TTC6: variants seen among roughly 807,000 people sequenced by gnomAD.
The protein encoded by TTC6 is tetratricopeptide repeat protein 6.
Under a neutral mutation model 210.4 loss-of-function variants are expected in TTC6, and 172 were observed. The observed-to-expected ratio is 0.82, with a 90% CI of 0.72 to 0.93. The LOEUF is 0.93. Among genes scored for constraint, TTC6 ranks in the 40% least tolerant of loss-of-function variants. The pLI is 0.00. For missense variants in TTC6, 2,414 were observed against 2,318.1 expected (o/e 1.04, Z -0.85); for synonymous variants, 804 against 819.6 (o/e 0.98, Z 0.32).
At chr14:37,669,391 T>C (rs1223283145) in intron 1 of TTC6, among the ~76,000 whole-genome samples, 2 of 152,158 alleles carry the variant, frequency 1.3e-5, no homozygotes, top group Non-Finnish European at 2.9e-5. Flanking sequence ...GATCTCAAAA[T>C]CAATCTAAGG....
intron 27 of TTC6, among the ~76,000 whole-genome samples, chr14:37,825,432 A>G (rs1256831188): frequency 6.6e-6 from 1 of 152,098 alleles, no homozygotes; most frequent in Non-Finnish European, 1.5e-5. Context: ...GCTTGGTTAA[A>G]GTGAGTCAGC....
intron 1 of TTC6, among the ~76,000 whole-genome samples, chr14:37,656,848 G>A (rs542760883): frequency 2.0e-5 from 3 of 152,110 alleles, no homozygotes; most frequent in Non-Finnish European, 4.4e-5. Context: ...CAAGGAACTA[G>A]GGGTGGTTGA....
intron 14 of TTC6, among the ~76,000 whole-genome samples, chr14:37,782,908 C>A (rs1313706024): frequency 6.6e-6 from 1 of 152,044 alleles, no homozygotes; most frequent in Non-Finnish European, 1.5e-5. Flanking sequence ...GTCTTTGGTT[C>A]TGTTTATATG....
In TTC6 at chr14:37,826,252, C is replaced by T. The variant is rs769741190; in HGVS notation, c.5032C>T (p.Pro1678Ser). The T allele has an allele frequency of 1.1e-5, 17 of 1,612,204 alleles. No homozygotes were observed. The South Asian group carries it at 1.8e-4, about 17-fold the overall frequency. ...CTTTACCATTGCCATAGATACTGAT[C>T]CAAAGAACTACCTAGCCTATGAAGG... Residue 1678 changes from proline (P) to serine (S), a missense_variant, in exon 28 of 31, where the codon CCA becomes TCA. Coordinates refer to ENST00000553443, the Ensembl canonical transcript of TTC6.
intron 1 of TTC6, among the ~76,000 whole-genome samples, chr14:37,638,625 TG>T (rs2095685576): frequency 7.8e-5 from 1 of 12,884 alleles, no homozygotes; most frequent in Non-Finnish European, 1.5e-4. Context: ...GAGTTAAGGG[TG>T]GGGGCGGGGG....
rs575346081 is a variant in TTC6 at position 37,689,243 on chromosome 14, A to T, written c.1257+6279A>T. 1.7e-4 allele frequency among the ~76,000 whole-genome samples: 26 copies of T among 152,242 alleles called. 1 individual carries two copies. The South Asian group carries it at 5.2e-3, about 30-fold the overall frequency. ...CAGAAGGAATAATGAATTAGCTTAA[A>T]GACAGGCTATTTGAAAATACACAGA... On this transcript the variant is annotated intron_variant, in intron 3 of 30. Transcript: ENST00000553443.
chr14:37,748,901 T>G (rs996643337), intron 10 of TTC6, 38 bp from the exon 13 acceptor site: 116 of 1,398,778 alleles, frequency 8.3e-5, no homozygotes, highest in Non-Finnish European at 9.9e-5. Context: ...GATGATTGTA[T>G]TTCTGTAATT....
chr14:37,758,173 A>G (rs545201442), intron 14 of TTC6, among the ~76,000 whole-genome samples: 2 of 152,012 alleles, frequency 1.3e-5, no homozygotes, highest in Non-Finnish European at 2.9e-5. Context: ...TGGTGTGGAG[A>G]GTTCTGTAGG....
At chr14:37,825,778 A>G (rs1446185743) in intron 27 of TTC6, among the ~76,000 whole-genome samples, 1 of 152,050 alleles carries the variant, frequency 6.6e-6, no homozygotes, top group Non-Finnish European at 1.5e-5. Flanking sequence ...TATTTATGTT[A>G]TTATGTATAT....
intron 20 of TTC6, 135 bp downstream of exon 22, chr14:37,797,082 T>C (rs1488171692): frequency 2.3e-6 from 2 of 860,170 alleles, no homozygotes; most frequent in East Asian, 6.6e-5. Flanking sequence ...TTTGGGTTAT[T>C]TTCTCTCTTT....
At chr14:37,788,817 T>C (rs948999927) in intron 15 of TTC6, among the ~76,000 whole-genome samples, 6 of 152,172 alleles carry the variant, frequency 3.9e-5, no homozygotes, top group Non-Finnish European at 8.8e-5. Flanking sequence ...CACAGATAAC[T>C]TAAATTTGAA....
intron 29 of TTC6, among the ~76,000 whole-genome samples, chr14:37,838,110 G>T (rs2096202102): frequency 1.3e-5 from 2 of 152,192 alleles, no homozygotes; most frequent in Non-Finnish European, 2.9e-5. Context: ...AAGCTGTACT[G>T]TGAAAAGTGA....
intron 10 of TTC6, among the ~76,000 whole-genome samples, chr14:37,739,539 A>C (rs936316852): frequency 5.3e-5 from 8 of 150,300 alleles, no homozygotes; most frequent in Non-Finnish European, 1.2e-4. Flanking sequence ...ACTGCACTCC[A>C]GCATGGATGA....
At chr14:37,842,502 C>A (rs1041475049), downstream of TTC6, 1 of 371,218 alleles carries the variant, frequency 2.7e-6, no homozygotes, top group African/African-American at 2.1e-5. Flanking sequence ...ACCTTGAGAA[C>A]TGAATTTTTC....
At chr14:37,814,909 T>A (rs2096137957) in intron 25 of TTC6, among the ~76,000 whole-genome samples, 1 of 152,118 alleles carries the variant, frequency 6.6e-6, no homozygotes, top group South Asian at 2.1e-4. Flanking sequence ...GCTGACTAGC[T>A]TGAGTGCTGA....
intron 1 of TTC6, among the ~76,000 whole-genome samples, chr14:37,633,688 A>T (rs1216105898): frequency 6.6e-6 from 1 of 152,190 alleles, no homozygotes; most frequent in Non-Finnish European, 1.5e-5. Flanking sequence ...GAGACAGTGG[A>T]GTGTCTAAAC....
At chr14:37,695,862 G>T (rs1004213715) in intron 3 of TTC6, among the ~76,000 whole-genome samples, 1 of 152,018 alleles carries the variant, frequency 6.6e-6, no homozygotes, top group Admixed American at 6.6e-5. Context: ...ATTAAAAAAA[G>T]ATTTGATTAG....
intron 29 of TTC6, among the ~76,000 whole-genome samples, chr14:37,838,764 G>A (rs2096203515): frequency 1.3e-5 from 2 of 152,084 alleles, no homozygotes; most frequent in Non-Finnish European, 2.9e-5. Context: ...AATGTGCCAT[G>A]TGGGTTTGCT....
intron 1 of TTC6, among the ~76,000 whole-genome samples, chr14:37,601,085 T>A (rs959282409): frequency 1.3e-5 from 2 of 152,102 alleles, no homozygotes; most frequent in African/African-American, 4.8e-5. Context: ...CCTACCAGAA[T>A]CATGGATCAA....
Sources: gnomAD v4.1 joint callset for allele counts (sites outside exome capture counted in the v4.1 genomes callset) on GRCh38, gnomAD v4.1.1 for gene constraint, MANE v1.5 for transcripts, NCBI Gene and HGNC (gene_info 2026-07-23, HGNC 2026-07-21) for gene names.